The following ARHGAP15 variants were observed in gnomAD, a reference collection of about 807,000 sequenced individuals.
ARHGAP15 encodes the protein rho GTPase-activating protein 15.
Under a neutral mutation model 63.7 loss-of-function variants are expected in ARHGAP15, and 51 were observed. The ratio of observed to expected loss-of-function variants is 0.80; its 90% CI spans 0.64 to 1.01. The LOEUF (loss-of-function observed/expected upper bound fraction) is 1.01. Ranked by LOEUF, ARHGAP15 falls within the 50% of genes least tolerant of loss-of-function variation. The pLI is 0.00. For missense variants in ARHGAP15, 560 were observed against 564.6 expected, an observed-to-expected ratio of 0.99 and a Z score of 0.08; for synonymous variants, 191 against 193.8, an observed-to-expected ratio of 0.99 and a Z score of 0.12.
intron 13 of ARHGAP15, among the ~76,000 whole-genome samples, chr2:143,751,893 G>A (rs1686390933): frequency 6.6e-6 from 1 of 152,146 alleles, no homozygotes; most frequent in African/African-American, 2.4e-5. Context: ...TGCCTAGATG[G>A]TGACTCTTTG....
chr2:143,644,929 T>C (rs746145341), intron 12 of ARHGAP15, among the ~76,000 whole-genome samples: 44 of 152,046 alleles, frequency 2.9e-4, no homozygotes, highest in Non-Finnish European at 7.4e-5. Flanking sequence ...TATCCAAATA[T>C]AGAACAGAAA....
intron 2 of ARHGAP15, among the ~76,000 whole-genome samples, chr2:143,201,123 T>C (rs1692098725): frequency 6.6e-6 from 1 of 151,900 alleles, no homozygotes; most frequent in Admixed American, 6.6e-5. Context: ...TTTTTATTTT[T>C]TTTTAGAGTG....
intron 9 of ARHGAP15, among the ~76,000 whole-genome samples, chr2:143,494,031 T>C (rs1692705498): frequency 6.6e-6 from 1 of 152,202 alleles, no homozygotes; most frequent in Admixed American, 6.5e-5. Context: ...TTTGAGATTC[T>C]GGAATCAAGA....
intron 12 of ARHGAP15, among the ~76,000 whole-genome samples, chr2:143,691,059 A>T (rs568698620): frequency 1.3e-5 from 2 of 152,136 alleles, no homozygotes; most frequent in Non-Finnish European, 2.9e-5. Flanking sequence ...CTCTTGCCCA[A>T]CTCACAGTCC....
At chr2:143,448,577 T>C (rs996553634) in intron 8 of ARHGAP15, among the ~76,000 whole-genome samples, 2 of 152,050 alleles carry the variant, frequency 1.3e-5, no homozygotes, top group African/African-American at 4.8e-5. Context: ...GACTTGATAT[T>C]GATAGGTTTT....
At chr2:143,296,048 A>G (rs186204607) in intron 6 of ARHGAP15, among the ~76,000 whole-genome samples, 2 of 152,134 alleles carry the variant, frequency 1.3e-5, no homozygotes, top group Admixed American at 6.6e-5. Flanking sequence ...GTCCTGTCTA[A>G]CTACATTTAG....
At chr2:143,149,403 G>A (rs1019433665) in intron 1 of ARHGAP15, among the ~76,000 whole-genome samples, 14 of 151,952 alleles carry the variant, frequency 9.2e-5, no homozygotes, top group African/African-American at 3.1e-4. Context: ...ACTCTCAGTG[G>A]CAACCTATGT....
intron 1 of ARHGAP15, among the ~76,000 whole-genome samples, chr2:143,137,935 G>A (rs1689211312): frequency 6.6e-6 from 1 of 152,086 alleles, no homozygotes. Context: ...CTGAGCTTCT[G>A]TATAATATCA....
chr2:143,721,068 A>AAAAAAAAAAC (rs1685036379), intron 13 of ARHGAP15, among the ~76,000 whole-genome samples: 1 of 150,728 alleles, frequency 6.6e-6, no homozygotes, highest in Non-Finnish European at 1.5e-5. Context: ...TCTCAAAAAA[A>AAAAAAAAAAC]AAAAAAAAAA....
At chr2:143,402,417 G>C (rs1688020587) in intron 6 of ARHGAP15, among the ~76,000 whole-genome samples, 1 of 151,716 alleles carries the variant, frequency 6.6e-6, no homozygotes, top group South Asian at 2.1e-4. Context: ...AAGGTACTAG[G>C]GAAGATTTAG....
rs562379337 is a variant in ARHGAP15, at chr2:143,460,681, T to C, written c.703+23639T>C. On this transcript the variant is annotated intron_variant, in intron 8 of 13. Coordinates refer to ENST00000295095, the MANE Select transcript of ARHGAP15 (RefSeq NM_018460.4). ...GGATTTTATCCAAGAAGTGATATAA[T>C]GTGCTAGGAAGACTTTACCTAAACT... Among the ~76,000 whole-genome samples, 12 of 152,306 alleles carry C rather than the reference T, an allele frequency of 7.9e-5. No individual in the cohort carries two copies. In the South Asian group the frequency reaches 2.3e-3, roughly 29 times the overall value.
At chr2:143,564,304 A>T (rs1038370790) in intron 11 of ARHGAP15, 3 of 152,122 alleles carry the variant, frequency 2.0e-5, no homozygotes, top group African/African-American at 7.2e-5. Context: ...CACAGTTCCC[A>T]CCTTACATCC....
rs538522209 is a variant in ARHGAP15, at chr2:143,271,987, G to A, written c.474+21387G>A. ...CAGTTTGTAGTTCTTTTTTTACTTG[G>A]ATGCGGGCATGAATCTATAATTCCC... On this transcript the variant is annotated intron_variant, in intron 6 of 13. Transcript: ENST00000295095. 9.9e-5 allele frequency among the ~76,000 whole-genome samples: 15 copies of A among 152,252 alleles called. 1 individual carries two copies. The South Asian group carries it at 1.9e-3, about 19-fold the overall frequency.
intron 10 of ARHGAP15, among the ~76,000 whole-genome samples, chr2:143,553,688 ACTT>A (rs983822362): frequency 4.6e-5 from 7 of 152,348 alleles, no homozygotes; most frequent in Admixed American, 3.9e-4. Flanking sequence ...AATCCATACT[ACTT>A]TTTCAAATGG....
At chr2:143,366,702 G>C (rs1686307332) in intron 6 of ARHGAP15, among the ~76,000 whole-genome samples, 3 of 151,962 alleles carry the variant, frequency 2.0e-5, no homozygotes, top group African/African-American at 4.8e-5. Context: ...TTAAAGAAAT[G>C]ATTCAAGTAA....
At chr2:143,415,355 A>G (rs990516777) in intron 6 of ARHGAP15, among the ~76,000 whole-genome samples, 16 of 152,336 alleles carry the variant, frequency 1.1e-4, no homozygotes, top group Admixed American at 1.0e-3. Flanking sequence ...AAGATACTAC[A>G]AAGAACATAA....
At chr2:143,222,123 C>A (rs888626489) in intron 4 of ARHGAP15, among the ~76,000 whole-genome samples, 3 of 152,168 alleles carry the variant, frequency 2.0e-5, no homozygotes, top group Non-Finnish European at 2.9e-5. Flanking sequence ...TTTTGACCCA[C>A]CTTTTAGCAG....
At chr2:143,706,701 C>T (rs1684344158) in intron 13 of ARHGAP15, 1 of 152,184 alleles carries the variant, frequency 6.6e-6, no homozygotes, top group South Asian at 2.1e-4. Flanking sequence ...CCAGAGTCTT[C>T]ATTCTTAATC....
intron 13 of ARHGAP15, among the ~76,000 whole-genome samples, chr2:143,742,639 A>G (rs527963700): frequency 6.6e-6 from 1 of 152,368 alleles, no homozygotes; most frequent in Non-Finnish European, 1.5e-5. Context: ...TGAACTGTCC[A>G]ACTCAACCAG....
Sources: allele counts gnomAD v4.1 joint callset (sites outside exome capture counted in the v4.1 genomes callset), GRCh38; gene constraint gnomAD v4.1.1; transcripts MANE v1.5; gene names NCBI Gene and HGNC (gene_info 2026-07-23, HGNC 2026-07-21).